Variants in SAMMSON observed in about 807,000 individuals in gnomAD.
SAMMSON encodes survival associated mitochondrial melanoma specific oncogenic non-coding RNA, also known as long intergenic non-protein coding RNA 1212.
At chr3:70,033,039 A>G (rs2067071610) in intron 3 of SAMMSON, among the ~76,000 whole-genome samples, 1 of 152,232 alleles carries the variant, frequency 6.6e-6, no homozygotes, top group South Asian at 2.1e-4. Flanking sequence ...TGAGGCATCA[A>G]GATCTGGAAG....
At chr3:70,050,774 T>C (rs1466283897) in intron 3 of SAMMSON, among the ~76,000 whole-genome samples, 1 of 151,912 alleles carries the variant, frequency 6.6e-6, no homozygotes, top group East Asian at 1.9e-4. Context: ...GGCGGAGGCA[T>C]AGACTAATCC....
chr3:70,172,005 C>G (rs1016314798), intron 4 of SAMMSON, among the ~76,000 whole-genome samples: 5 of 151,900 alleles, frequency 3.3e-5, no homozygotes, highest in African/African-American at 1.2e-4. Flanking sequence ...CATTTTGTCT[C>G]TGGAAAGTAA....
intron 2 of SAMMSON, among the ~76,000 whole-genome samples, chr3:70,396,812 T>C (rs1466673709): frequency 5.9e-5 from 9 of 152,166 alleles, no homozygotes; most frequent in Admixed American, 5.9e-4. Flanking sequence ...TGCAAAGACA[T>C]CATCTCCAGT....
chr3:70,419,839 C>A (rs147028290), intron 2 of SAMMSON, among the ~76,000 whole-genome samples: 1 of 152,086 alleles, frequency 6.6e-6, no homozygotes, highest in South Asian at 2.1e-4. Flanking sequence ...GGGGTTTCAC[C>A]GTGTTAGCCA....
At chr3:70,261,871 T>A (rs75235757) in intron 6 of SAMMSON, among the ~76,000 whole-genome samples, 20,197 of 152,102 alleles carry the variant, frequency 0.13, 1,469 homozygotes, top group East Asian at 0.23. Flanking sequence ...ACAAGGGGTT[T>A]GTTATCCAAG....
intron 4 of SAMMSON, among the ~76,000 whole-genome samples, chr3:70,153,829 G>A (rs151009442): frequency 6.6e-6 from 1 of 151,802 alleles, no homozygotes; most frequent in Non-Finnish European, 1.5e-5. Flanking sequence ...AAACTGAAAC[G>A]CTGTACCCAC....
At chr3:70,359,211 C>G (rs1342304550) in intron 9 of SAMMSON, among the ~76,000 whole-genome samples, 1 of 152,116 alleles carries the variant, frequency 6.6e-6, no homozygotes, top group Non-Finnish European at 1.5e-5. Flanking sequence ...CTTACAGGGA[C>G]AAGTTGTAGG....
intron 6 of SAMMSON, among the ~76,000 whole-genome samples, chr3:70,258,454 A>G (rs7616565): frequency 0.69 from 104,841 of 151,988 alleles, 36,792 homozygotes; most frequent in Non-Finnish European, 0.74. Context: ...ATTTACTTAC[A>G]TTGTTACAAC....
Position 70,128,715 on chromosome 3 carries a change from T to TG in SAMMSON, n.507+57155dup, listed in dbSNP as rs150122053. Reference sequence around the variant, plus strand: ...AGGGAACCAATCCTTGGCTATGTTTTGGGGGTGACATGAACCTGAGAGGTC... The same window carrying TG: ...AGGGAACCAATCCTTGGCTATGTTTTGGGGGGTGACATGAACCTGAGAGGTC... On this transcript the variant is annotated intron_variant and non_coding_transcript_variant, in intron 4 of 9. Coordinates refer to ENST00000642114, the Ensembl canonical transcript of SAMMSON. Among the ~76,000 whole-genome samples the TG allele has an allele frequency of 9.2e-3, 1,400 of 152,278 alleles. 163 individuals carry two copies. The East Asian group carries it at 0.24, about 26-fold the overall frequency.
chr3:70,198,208 A>G (rs1352484109), intron 4 of SAMMSON, among the ~76,000 whole-genome samples: 6 of 152,204 alleles, frequency 3.9e-5, no homozygotes. Flanking sequence ...AGCATGAATT[A>G]GAGAAAAAAT....
At chr3:70,354,577 A>T (rs1702815715) in intron 8 of SAMMSON, among the ~76,000 whole-genome samples, 2 of 152,166 alleles carry the variant, frequency 1.3e-5, no homozygotes, top group African/African-American at 2.4e-5. Flanking sequence ...CACCTTTCAG[A>T]CTTCTGGCTG....
intron 2 of SAMMSON, among the ~76,000 whole-genome samples, chr3:70,433,711 T>A (rs539467791): frequency 3.0e-4 from 46 of 152,088 alleles, no homozygotes; most frequent in Non-Finnish European, 5.7e-4. Flanking sequence ...ATATTGTATC[T>A]AAAAAAAATC....
At chr3:70,426,372 G>C (rs1165743141) in intron 2 of SAMMSON, among the ~76,000 whole-genome samples, 4 of 152,216 alleles carry the variant, frequency 2.6e-5, no homozygotes, top group African/African-American at 9.6e-5. Context: ...CTGAAGCAGA[G>C]ATTGGAAGAG....
intron 4 of SAMMSON, among the ~76,000 whole-genome samples, chr3:70,075,874 C>T (rs946730723): frequency 4.1e-5 from 5 of 121,654 alleles, no homozygotes; most frequent in South Asian, 2.9e-4. Context: ...TGTTATTTTT[C>T]GATACCTGTT....
intron 3 of SAMMSON, among the ~76,000 whole-genome samples, chr3:70,057,139 T>TTAC (rs1353000659): frequency 6.6e-6 from 1 of 152,076 alleles, no homozygotes; most frequent in Non-Finnish European, 1.5e-5. Flanking sequence ...TTCCTTTCTA[T>TTAC]TACTTTGTCA....
At chr3:70,364,284 T>C (rs902748688) in intron 9 of SAMMSON, among the ~76,000 whole-genome samples, 2 of 151,912 alleles carry the variant, frequency 1.3e-5, no homozygotes, top group African/African-American at 2.4e-5. Flanking sequence ...ACCTGAGTTA[T>C]TGATTGTTCA....
At chr3:70,281,514 TA>T (rs1168888968) in intron 6 of SAMMSON, among the ~76,000 whole-genome samples, 9 of 152,294 alleles carry the variant, frequency 5.9e-5, no homozygotes, top group Non-Finnish European at 8.8e-5. Context: ...TCTTTAATAG[TA>T]GTGGAGGTGA....
At chr3:70,082,490 G>T (rs1168500438) in intron 4 of SAMMSON, among the ~76,000 whole-genome samples, 3 of 152,132 alleles carry the variant, frequency 2.0e-5, no homozygotes, top group African/African-American at 7.2e-5. Flanking sequence ...GGTTTGGAGA[G>T]AAATTATTGC....
intron 4 of SAMMSON, among the ~76,000 whole-genome samples, chr3:70,220,171 G>T (rs1261374768): frequency 6.6e-6 from 1 of 152,086 alleles, no homozygotes; most frequent in East Asian, 1.9e-4. Context: ...AATTTTGAGA[G>T]AATAAGGTTA....
Sources: allele counts gnomAD v4.1 joint callset (sites outside exome capture counted in the v4.1 genomes callset), GRCh38; gene constraint gnomAD v4.1.1; transcripts MANE v1.5; gene names NCBI Gene and HGNC (gene_info 2026-07-23, HGNC 2026-07-21).